The following SCP2 variants were observed in gnomAD, a reference collection of about 807,000 sequenced individuals.
SCP2 encodes sterol carrier protein 2.
Under a neutral mutation model 71.4 loss-of-function variants are expected in SCP2, and 48 were observed. The ratio of observed to expected loss-of-function variants is 0.67; its 90% confidence interval spans 0.53 to 0.86. The LOEUF (loss-of-function observed/expected upper bound fraction) is 0.86. Ranked by LOEUF, SCP2 falls within the 40% of genes least tolerant of loss-of-function variation. SCP2 has a pLI of 0.00. For missense variants in SCP2, 560 were observed against 655.6 expected (o/e 0.85, Z 1.59); for synonymous variants, 220 against 218.1 (o/e 1.01, Z -0.08).
At chr1:53,000,103 G>A (rs750352660) in intron 11 of SCP2, among the ~76,000 whole-genome samples, 1 of 151,608 alleles carries the variant, frequency 6.6e-6, no homozygotes, top group Non-Finnish European at 1.5e-5. Flanking sequence ...TGTCACACCC[G>A]GCCTGGTCAC....
At chr1:53,034,834 G>A (rs1448976242) in intron 13 of SCP2, among the ~76,000 whole-genome samples, 2 of 152,044 alleles carry the variant, frequency 1.3e-5, no homozygotes, top group East Asian at 1.9e-4. Context: ...GGCCAGGCAC[G>A]GTGGCTCACG....
intron 13 of SCP2, among the ~76,000 whole-genome samples, chr1:53,033,563 C>T (rs1662701318): frequency 6.8e-6 from 1 of 147,262 alleles, no homozygotes; most frequent in Admixed American, 6.9e-5. Flanking sequence ...TGAGATTGCA[C>T]CACAGCACTC....
chr1:53,038,818 C>T (rs1487089992), intron 13 of SCP2, 99 bp from the exon 14 acceptor site: 23 of 1,483,210 alleles, frequency 1.6e-5, no homozygotes, highest in African/African-American at 8.3e-5. Flanking sequence ...CTCCCTGGCC[C>T]GTATACTCAT....
chr1:53,036,718 C>A (rs1246432424), intron 13 of SCP2, among the ~76,000 whole-genome samples: 1 of 151,446 alleles, frequency 6.6e-6, no homozygotes, highest in Non-Finnish European at 1.5e-5. Flanking sequence ...AGATATATAT[C>A]TTAAATGAGA....
chr1:53,016,614 G>A (rs1007106014), intron 12 of SCP2, among the ~76,000 whole-genome samples: 1 of 152,130 alleles, frequency 6.6e-6, no homozygotes, highest in Non-Finnish European at 1.5e-5. Flanking sequence ...AAGTATAGGG[G>A]AAGGGCATTC....
intron 5 of SCP2, among the ~76,000 whole-genome samples, chr1:52,957,263 A>G (rs1655910253): frequency 6.6e-6 from 1 of 152,186 alleles, no homozygotes; most frequent in Admixed American, 6.5e-5. Flanking sequence ...CTCAGAGGTA[A>G]CCAATGTTAA....
rs1663006858 is a variant in SCP2 at position 53,037,142 on chromosome 1, A to G, written c.1339-1775A>G. ...AGAGAGCAAGACTCTGTCTCAAAAA[A>G]TAATAATAATAATAAATGATGAATG... is the stretch of plus-strand genomic sequence containing the variant. On this transcript the variant is annotated intron_variant, in intron 13 of 15. Coordinates refer to ENST00000371514, the MANE Select transcript of SCP2 (RefSeq NM_002979.5). Among the ~76,000 whole-genome samples the G allele has an allele frequency of 1.3e-5, 2 of 152,084 alleles. 1 individual carries two copies. The highest frequency in any genetic ancestry group is 4.1e-4 in the South Asian group (2 of 4,822).
intron 12 of SCP2, among the ~76,000 whole-genome samples, chr1:53,025,672 C>T (rs1270919543): frequency 6.6e-6 from 1 of 152,224 alleles, no homozygotes; most frequent in African/African-American, 2.4e-5. Flanking sequence ...CACTCTCTAT[C>T]TACTGGCAGA....
intron 10 of SCP2, among the ~76,000 whole-genome samples, chr1:52,981,642 GGC>G (rs1658509936): frequency 6.6e-6 from 1 of 151,644 alleles, no homozygotes; most frequent in South Asian, 2.1e-4. Context: ...ATGTTGCGCG[GGC>G]TGTTCTCAAA....
chr1:53,047,872 T>C lies in SCP2; in HGVS notation c.1483T>C (p.Cys495Arg). ...ATCTGTTTTAGATAAGAAGGCTGACTGCACAATCACAATGGCTGACTCAGA... is the reference window on the plus strand; with the variant it reads ...ATCTGTTTTAGATAAGAAGGCTGACCGCACAATCACAATGGCTGACTCAGA... ...VLPNSDKKAD[C>R]TITMADSDFL... Residue 495 changes from cysteine to arginine, a missense_variant, in exon 15 of 16, where the codon TGC (cysteine) becomes CGC (arginine). Around this residue, in one of 3 missense-constraint regions of SCP2, gnomAD observed 43 missense variants for 65.9 expected, o/e 0.65. Coordinates refer to ENST00000371514, the MANE Select transcript of SCP2 (RefSeq NM_002979.5). The C allele has an allele frequency of 6.2e-7, 1 of 1,612,530 alleles. No homozygotes were observed. The highest frequency in any genetic ancestry group is 8.5e-7 in the Non-Finnish European group (1 of 1,178,526).
intron 10 of SCP2, among the ~76,000 whole-genome samples, chr1:52,980,942 GT>G (rs1178154733): frequency 2.6e-5 from 4 of 151,070 alleles, no homozygotes; most frequent in African/African-American, 9.7e-5. Context: ...TTGTTTTTTC[GT>G]TTTTCTGAGA....
At chr1:52,933,882 TG>T (rs762121187) in intron 1 of SCP2, among the ~76,000 whole-genome samples, 8 of 152,226 alleles carry the variant, frequency 5.3e-5, no homozygotes, top group Non-Finnish European at 1.2e-4. Flanking sequence ...GCAAAAGTAA[TG>T]GTGGGTAACA....
At chr1:53,029,715 G>A (rs1249918023) in intron 13 of SCP2, among the ~76,000 whole-genome samples, 2 of 152,170 alleles carry the variant, frequency 1.3e-5, no homozygotes, top group Admixed American at 6.5e-5. Context: ...AGTATTCCCA[G>A]GACTTTCATT....
chr1:52,939,374 A>G (rs1237830702), intron 1 of SCP2, among the ~76,000 whole-genome samples: 2 of 151,900 alleles, frequency 1.3e-5, no homozygotes, highest in Admixed American at 6.6e-5. Context: ...AGTGAGATCC[A>G]TCTCTACAAA....
intron 1 of SCP2, among the ~76,000 whole-genome samples, chr1:52,941,163 T>A (rs1423990121): frequency 6.6e-6 from 1 of 152,184 alleles, no homozygotes; most frequent in African/African-American, 2.4e-5. Context: ...ACTCCAAAAT[T>A]TCCTTCTCTT....
chr1:52,938,936 T>G (rs1286369894), intron 1 of SCP2, among the ~76,000 whole-genome samples: 1 of 152,246 alleles, frequency 6.6e-6, no homozygotes, highest in Non-Finnish European at 1.5e-5. Flanking sequence ...AAAAATCCTC[T>G]GTGTTCCACA....
At chr1:52,932,355 T>A (rs1309123347) in intron 1 of SCP2, among the ~76,000 whole-genome samples, 1 of 152,238 alleles carries the variant, frequency 6.6e-6, no homozygotes, top group Non-Finnish European at 1.5e-5. Flanking sequence ...GCAAAATTTT[T>A]GATCCTAGAA....
chr1:52,955,682 A>T (rs1304441192), intron 5 of SCP2, among the ~76,000 whole-genome samples: 1 of 152,192 alleles, frequency 6.6e-6, no homozygotes, highest in Admixed American at 6.5e-5. Flanking sequence ...GAATGGTAGT[A>T]ACCTAGACAA....
At chr1:52,940,865 T>C (rs1050843029) in intron 1 of SCP2, among the ~76,000 whole-genome samples, 4 of 152,152 alleles carry the variant, frequency 2.6e-5, no homozygotes, top group Non-Finnish European at 5.9e-5. Flanking sequence ...TTCTTCTGCC[T>C]CAGCCTCCTG....
Sources: allele counts gnomAD v4.1 joint callset (sites outside exome capture counted in the v4.1 genomes callset), GRCh38; gene constraint gnomAD v4.1.1; regional missense constraint gnomAD v4.1.1; transcripts MANE v1.5; gene names NCBI Gene and HGNC (gene_info 2026-07-23, HGNC 2026-07-21).